CDH22: variants seen among roughly 807,000 people sequenced by gnomAD.
CDH22 encodes cadherin-22.
CDH22 carries 30 observed loss-of-function variants against 58.4 expected under a neutral mutation model. That is an observed-to-expected ratio of 0.51 (90% CI 0.38 to 0.70). The LOEUF is 0.70. CDH22 is among the 30% of genes least tolerant of loss of function. CDH22 has a pLI of 0.00. For synonymous variants in CDH22, 513 were observed against 558.2 expected (o/e 0.92, Z 1.14); for missense variants, 1,014 against 1,233.9 (o/e 0.82, Z 2.67).
chr20:46,224,615 C>T (rs1227513724), intron 4 of CDH22, among the ~76,000 whole-genome samples: 1 of 152,220 alleles, frequency 6.6e-6, no homozygotes, highest in Non-Finnish European at 1.5e-5. Flanking sequence ...CACATTCACT[C>T]ATTCCTCTGC....
intron 10 of CDH22, among the ~76,000 whole-genome samples, chr20:46,180,549 G>T (rs2085777233): frequency 1.3e-5 from 2 of 152,096 alleles, no homozygotes; most frequent in African/African-American, 4.8e-5. Flanking sequence ...TGTACTGAAT[G>T]GATTTTTTTT....
At chr20:46,175,496 G>GACCTCTCTTTCACCCTCACCCTC (rs2085731732) in intron 11 of CDH22, among the ~76,000 whole-genome samples, 1 of 152,122 alleles carries the variant, frequency 6.6e-6, no homozygotes, top group African/African-American at 2.4e-5. Context: ...CCTTCACCCT[G>GACCTCTCTTTCACCCTCACCCTC]ACCTCTCTTT....
At chr20:46,179,178 G>A (rs1276432725) in intron 10 of CDH22, among the ~76,000 whole-genome samples, 2 of 152,202 alleles carry the variant, frequency 1.3e-5, no homozygotes, top group Non-Finnish European at 2.9e-5. Flanking sequence ...CACATGCAGG[G>A]GTACGAAGTG....
chr20:46,305,515 G>A (rs1283472805), intron 1 of CDH22, among the ~76,000 whole-genome samples: 1 of 152,166 alleles, frequency 6.6e-6, no homozygotes, highest in African/African-American at 2.4e-5. Flanking sequence ...GAGGAATGAG[G>A]AAGTCCTTGG....
At chr20:46,221,593 C>A (rs577891413) in intron 4 of CDH22, among the ~76,000 whole-genome samples, 6 of 152,322 alleles carry the variant, frequency 3.9e-5, no homozygotes. Flanking sequence ...TGCATAACAT[C>A]ACTTCTGCCA....
intron 1 of CDH22, among the ~76,000 whole-genome samples, chr20:46,299,495 G>A (rs183812945): frequency 6.6e-6 from 1 of 152,342 alleles, no homozygotes; most frequent in African/African-American, 2.4e-5. Flanking sequence ...AAGGTACACA[G>A]CCTGCTCATG....
intron 10 of CDH22, among the ~76,000 whole-genome samples, chr20:46,181,533 C>T: frequency 6.6e-6 from 1 of 151,980 alleles, no homozygotes; most frequent in Non-Finnish European, 1.5e-5. Context: ...GGCAGGCGGT[C>T]ATTGTGGAAA....
chr20:46,207,134 T>C (rs2086007055), intron 7 of CDH22, among the ~76,000 whole-genome samples: 1 of 152,144 alleles, frequency 6.6e-6, no homozygotes. Context: ...TGGTGTTAAA[T>C]TGGACCAGTC....
chr20:46,232,826 C>T (rs1044828685), intron 3 of CDH22, among the ~76,000 whole-genome samples: 1 of 152,180 alleles, frequency 6.6e-6, no homozygotes, highest in Non-Finnish European at 1.5e-5. Context: ...CTGGCCTCGA[C>T]CCTGCTTCTA....
intron 1 of CDH22, among the ~76,000 whole-genome samples, chr20:46,256,309 C>T (rs1316151571): frequency 1.3e-5 from 2 of 152,052 alleles, no homozygotes; most frequent in East Asian, 1.9e-4. Context: ...CTGGGGATGG[C>T]GGGATTTGCT....
intron 1 of CDH22, among the ~76,000 whole-genome samples, chr20:46,295,785 C>T (rs983460370): frequency 6.6e-6 from 1 of 152,174 alleles, no homozygotes; most frequent in African/African-American, 2.4e-5. Flanking sequence ...TTTGTAGAGG[C>T]AGGGTCTCGC....
chr20:46,211,564 G>T (rs896934566), intron 6 of CDH22, among the ~76,000 whole-genome samples: 3 of 152,098 alleles, frequency 2.0e-5, no homozygotes, highest in African/African-American at 7.2e-5. Context: ...CACCCTAGGC[G>T]CCACTGCTGG....
intron 7 of CDH22, among the ~76,000 whole-genome samples, chr20:46,199,985 T>C (rs1302637489): frequency 6.6e-6 from 1 of 151,880 alleles, no homozygotes; most frequent in African/African-American, 2.4e-5. Flanking sequence ...TATTTACTTA[T>C]TTTTTGGAGA....
chr20:46,203,864 G>C (rs1251618987), intron 7 of CDH22, among the ~76,000 whole-genome samples: 1 of 152,118 alleles, frequency 6.6e-6, no homozygotes, highest in Non-Finnish European at 1.5e-5. Context: ...CTTCTCATTT[G>C]GTGACAACAA....
intron 1 of CDH22, among the ~76,000 whole-genome samples, chr20:46,271,304 G>T (rs2086487489): frequency 6.6e-6 from 1 of 152,056 alleles, no homozygotes; most frequent in Admixed American, 6.5e-5. Flanking sequence ...TCTTTTCTGA[G>T]CCTATGCACA....
At chr20:46,196,116 A>G (rs560683650) in intron 8 of CDH22, among the ~76,000 whole-genome samples, 1 of 152,210 alleles carries the variant, frequency 6.6e-6, no homozygotes, top group Non-Finnish European at 1.5e-5. Context: ...GGGAAGCCGG[A>G]GGTCTTGGGT....
chr20:46,222,259 T>C (rs1387571468), intron 4 of CDH22, among the ~76,000 whole-genome samples: 2 of 152,196 alleles, frequency 1.3e-5, no homozygotes, highest in African/African-American at 4.8e-5. Flanking sequence ...GTCTTGTTCA[T>C]CCCGTGTCTA....
chr20:46,257,126 G>A (rs1298645273), intron 1 of CDH22, among the ~76,000 whole-genome samples: 1 of 150,662 alleles, frequency 6.6e-6, no homozygotes, highest in African/African-American at 2.4e-5. Flanking sequence ...TGGGGAACAT[G>A]GCAAAACCCT....
chr20:46,224,810 C>A (rs900440372), intron 4 of CDH22, among the ~76,000 whole-genome samples: 1 of 152,184 alleles, frequency 6.6e-6, no homozygotes, highest in Non-Finnish European at 1.5e-5. Context: ...TCTCTCTTCT[C>A]GGCATCTCAA....
Sources: gnomAD v4.1 joint callset for allele counts (sites outside exome capture counted in the v4.1 genomes callset) on GRCh38, gnomAD v4.1.1 for gene constraint, MANE v1.5 for transcripts, NCBI Gene and HGNC (gene_info 2026-07-23, HGNC 2026-07-21) for gene names.